Variants in RYR3 observed in about 807,000 individuals in gnomAD.
The protein encoded by RYR3 is ryanodine receptor 3.
A neutral mutation model predicts 584.3 loss-of-function variants in RYR3; 207 were observed. The ratio of observed to expected loss-of-function variants is 0.35; its 90% CI spans 0.32 to 0.40. The LOEUF is 0.40. Ranked by LOEUF, RYR3 falls within the 10% of genes least tolerant of loss-of-function variation. The pLI, the probability that RYR3 is intolerant of heterozygous loss-of-function variation, is 1.00. For missense variants in RYR3, 5,616 were observed against 6,089.2 expected (o/e 0.92, Z 2.59); for synonymous variants, 2,416 against 2,248.5 (o/e 1.07, Z -2.11).
chr15:33,620,342 C>A (rs1158913890), intron 19 of RYR3, among the ~76,000 whole-genome samples: 1 of 152,138 alleles, frequency 6.6e-6, no homozygotes, highest in Non-Finnish European at 1.5e-5. Context: ...AACGCTTCTC[C>A]CTTTCTCCCT....
At chr15:33,809,871 A>T (rs1287945956) in intron 70 of RYR3, among the ~76,000 whole-genome samples, 2 of 152,282 alleles carry the variant, frequency 1.3e-5, no homozygotes, top group African/African-American at 4.8e-5. Context: ...GGTATAAGTC[A>T]AAGATGGGTA....
At chr15:33,554,682 G>A (rs2056950558) in intron 10 of RYR3, among the ~76,000 whole-genome samples, 1 of 152,186 alleles carries the variant, frequency 6.6e-6, no homozygotes, top group Admixed American at 6.5e-5. Flanking sequence ...CACCCAATGA[G>A]AGAGATTCAT....
intron 1 of RYR3, among the ~76,000 whole-genome samples, chr15:33,467,295 A>G (rs2048567722): frequency 6.6e-6 from 1 of 152,212 alleles, no homozygotes; most frequent in Non-Finnish European, 1.5e-5. Flanking sequence ...AGTGATTTGC[A>G]GATCTAACTA....
chr15:33,344,778 C>G (rs1004011187), intron 1 of RYR3, among the ~76,000 whole-genome samples: 1 of 152,048 alleles, frequency 6.6e-6, no homozygotes, highest in African/African-American at 2.4e-5. Flanking sequence ...TCAGCCACTA[C>G]AAAGCTCAAA....
Position 33,859,712 on chromosome 15 carries a change from C to A in RYR3, c.14280C>A (p.Ile4760=). 1 of 1,610,432 alleles carries A rather than the reference C, an allele frequency of 6.2e-7. No homozygotes were observed. Among genetic ancestry groups the A allele is most frequent in the Non-Finnish European group, 8.5e-7 (1 of 1,177,970 alleles). ...DITFFFFVIV[I]LLAIIQGLII... ...CCTTTTTCTTCTTCGTCATTGTCATCTTGCTGGCCATCATTCAAGGTATGA... is the reference window on the plus strand; with the variant it reads ...CCTTTTTCTTCTTCGTCATTGTCATATTGCTGGCCATCATTCAAGGTATGA... Residue 4760 remains isoleucine (I), a synonymous_variant, in exon 100 of 104, where the codon ATC becomes ATA. Coordinates refer to ENST00000634891, the MANE Select transcript of RYR3 (RefSeq NM_001036.6).
chr15:33,621,507 A>T (rs2060724495), intron 19 of RYR3, among the ~76,000 whole-genome samples: 1 of 152,186 alleles, frequency 6.6e-6, no homozygotes, highest in Non-Finnish European at 1.5e-5. Flanking sequence ...TAAATTAGTA[A>T]TACTGCAGGC....
intron 74 of RYR3, 113 bp from the exon 75 acceptor site, chr15:33,816,720 TGGTATGCTACTGGCTACCCTGACCAATCA>T: frequency 1.8e-6 from 1 of 544,654 alleles, no homozygotes; most frequent in Non-Finnish European, 3.4e-6. Context: ...GTGAGTTCTG[TGGTATGCTACTGGCTACCCTGACCAATCA>T]GAAGACAAGA....
At position 33,723,340 on chromosome 15, in the gene RYR3, G is replaced by A. The variant is rs986635885; in HGVS notation, c.6800+445G>A. 1.1e-4 allele frequency among the ~76,000 whole-genome samples: 17 copies of A among 151,392 alleles called. No individual in the cohort carries two copies. The East Asian group carries it at 1.2e-3, about 10-fold the overall frequency. ...TGAGGACTAATTAAGAAAGTGTTTC[G>A]ATTTGACTTCTAAAAATAAATAAAT... On this transcript the variant is annotated intron_variant, in intron 44 of 103. Coordinates refer to ENST00000634891, the MANE Select transcript of RYR3 (RefSeq NM_001036.6).
intron 57 of RYR3, among the ~76,000 whole-genome samples, chr15:33,751,284 G>A (rs1443060763): frequency 6.6e-6 from 1 of 152,174 alleles, no homozygotes; most frequent in African/African-American, 2.4e-5. Context: ...GGTATTTCTA[G>A]TTCTAGATCC....
At position 33,770,356 on chromosome 15, in the gene RYR3, G is replaced by GT. The variant is rs560080518; in HGVS notation, c.8816+1190dup. Among the ~76,000 whole-genome samples the GT allele has an allele frequency of 1.7e-3, 257 of 152,308 alleles. 3 individuals are homozygous for GT. The highest frequency in any genetic ancestry group is 5.7e-3 in the African/African-American group (238 of 41,552). ...TTGGGAAAAGTCTTGAGAGAGTCCA[G>GT]TTTTTTGTTTGTTTGTTTTATTTTG... On this transcript the variant is annotated intron_variant, in intron 62 of 103. Coordinates refer to ENST00000634891, the MANE Select transcript of RYR3 (RefSeq NM_001036.6).
rs763714958 is a variant in RYR3, at chr15:33,864,130, C to T, written c.14466-8C>T. Reference sequence around the variant, plus strand: ...AGAGTATCTAATACTATCTTTTCCTCGTTCCAGGTTCTTTCTGATGTATTT... The same window carrying T: ...AGAGTATCTAATACTATCTTTTCCTTGTTCCAGGTTCTTTCTGATGTATTT... On this transcript the variant is annotated splice_region_variant and splice_polypyrimidine_tract_variant and intron_variant, in intron 102 of 103. Transcript: ENST00000634891. The T allele has an allele frequency of 1.7e-5, 28 of 1,607,052 alleles. No homozygotes were observed. The highest frequency in any genetic ancestry group is 6.7e-5 in the East Asian group (3 of 44,828).
intron 77 of RYR3, 187 bp from the exon 78 acceptor site, chr15:33,820,569 C>T (rs990107855): frequency 1.1e-5 from 6 of 570,952 alleles, no homozygotes; most frequent in African/African-American, 3.8e-5. Context: ...ATGGTAACTG[C>T]GAAGATGGCA....
In RYR3 at chr15:33,648,973, G is replaced by C. The variant is rs962671258; in HGVS notation, c.3979-99G>C. On this transcript the variant is annotated intron_variant, in intron 30 of 103. Coordinates refer to ENST00000634891, the MANE Select transcript of RYR3 (RefSeq NM_001036.6). ...CACTTTTCCAGAAAAAAAAGGGGGGGCCAAGTGAGCTGCTGTGTTATTTCT... is the reference window on the plus strand; with the variant it reads ...CACTTTTCCAGAAAAAAAAGGGGGGCCCAAGTGAGCTGCTGTGTTATTTCT... 36 of 1,194,194 alleles carry C rather than the reference G, an allele frequency of 3.0e-5. No homozygotes were observed. In the African/African-American group the frequency reaches 3.9e-4, roughly 13 times the overall value. 74.0% of individuals were successfully genotyped at this position (1,194,194 alleles called of 1,614,324 possible). A position where few individuals can be genotyped will look rare whatever the true frequency, so the allele number is the denominator to read the frequency against.
chr15:33,819,781 A>T lies in RYR3; in HGVS notation c.10732A>T (p.Thr3578Ser), dbSNP rs1365192808. 5.1e-6 allele frequency: 8 copies of T among 1,580,896 alleles called. No individual in the cohort carries two copies. The Admixed American group carries it at 1.3e-4, about 27-fold the overall frequency. ...CAAATTGGAAGACGACCCTTTGTAC[A>T]CCTCCTATTCCAGCATGATGGCCAA... ...RSKLEDDPLY[T>S]SYSSMMAKSC... The change falls in exon 77 of 104, where the codon ACC becomes TCC. Residue 3578 changes from threonine to serine, a missense_variant. This residue lies in a region of RYR3 where 954 missense variants were observed against 1,132.2 expected (regional missense o/e 0.84). Coordinates refer to ENST00000634891, the MANE Select transcript of RYR3 (RefSeq NM_001036.6).
rs377657264 is a variant in RYR3, at chr15:33,707,029, C to G, written c.6594C>G (p.Phe2198Leu). ...TTGAAGGGGAACGCTACCTGTCCTT[C>G]CTGAGGTTTGCTGTCTTCGTGAACA... is the stretch of plus-strand genomic sequence containing the variant. ...NPIEGERYLS[F>L]LRFAVFVNSE... The change falls in exon 43 of 104, where the codon TTC (phenylalanine) becomes TTG (leucine). Residue 2198 changes from phenylalanine (F) to leucine (L), a missense_variant. Physicochemically the swap from Phe to Leu is conservative, Grantham distance 22. This residue lies in a region of RYR3 where 1,280 missense variants were observed against 1,426.2 expected (regional missense o/e 0.90). Transcript: ENST00000634891. 3.7e-6 allele frequency: 6 copies of G among 1,613,854 alleles called. No individual in the cohort carries two copies. In the African/African-American group the frequency reaches 6.7e-5, roughly 18 times the overall value.
chr15:33,424,753 T>C lies in RYR3; in HGVS notation c.52-48666T>C, dbSNP rs150376869. Among the ~76,000 whole-genome samples, 269 of 152,238 alleles carry C rather than the reference T, an allele frequency of 1.8e-3. 1 individual carries two copies. Among genetic ancestry groups the C allele is most frequent in the African/African-American group, 5.7e-3 (238 of 41,510 alleles). On this transcript the variant is annotated intron_variant, in intron 1 of 103. Transcript: ENST00000634891. ...ATGGGGGTTTTTGTGAACTCTTCTGTGTCTTATTTATCTTATTTATCATAT... is the reference window on the plus strand; with the variant it reads ...ATGGGGGTTTTTGTGAACTCTTCTGCGTCTTATTTATCTTATTTATCATAT...
chr15:33,808,792 G>T (rs1044797727), intron 70 of RYR3, among the ~76,000 whole-genome samples: 1 of 152,144 alleles, frequency 6.6e-6, no homozygotes, highest in African/African-American at 2.4e-5. Flanking sequence ...AACACCAGGA[G>T]GCTCCTTCTC....
chr15:33,464,493 CATATAT>C (rs761907118), intron 1 of RYR3, among the ~76,000 whole-genome samples: 7 of 107,304 alleles, frequency 6.5e-5, no homozygotes, highest in Non-Finnish European at 1.2e-4. Flanking sequence ...TATATATACA[CATATAT>C]ATATACATAC....
chr15:33,580,046 A>G lies in RYR3; in HGVS notation c.1339A>G (p.Ile447Val), dbSNP rs745739538. ...AGTCCTGCAGACCCTACAGGACTTG[A>G]TCGCCTACTTCCAGCCCCCAGAGGA... ...EEVLQTLQDL[I>V]AYFQPPEEEM... The change falls in exon 13 of 104, where the codon ATC becomes GTC. Residue 447 changes from isoleucine to valine, a missense_variant. Ile to Val is a conservative substitution (Grantham distance 29). This residue lies in a region of RYR3 where 1,284 missense variants were observed against 1,344.6 expected (regional missense o/e 0.95). Transcript: ENST00000634891. 6 of 1,613,626 alleles carry G rather than the reference A, an allele frequency of 3.7e-6. No individual in the cohort carries two copies. The highest frequency in any genetic ancestry group is 1.3e-5 in the African/African-American group (1 of 74,914).
Sources: gnomAD v4.1 joint callset for allele counts (sites outside exome capture counted in the v4.1 genomes callset) on GRCh38, gnomAD v4.1.1 for gene constraint, gnomAD v4.1.1 regional missense constraint, MANE v1.5 for transcripts, NCBI Gene and HGNC (gene_info 2026-07-23, HGNC 2026-07-21) for gene names.